Variants in EFR3A observed in about 807,000 individuals in gnomAD.
EFR3A encodes EFR3 homolog A, also known as protein EFR3 homolog A.
Under a neutral mutation model 104.4 loss-of-function variants are expected in EFR3A, and 76 were observed. The ratio of observed to expected loss-of-function variants is 0.73; its 90% CI spans 0.60 to 0.88. The LOEUF (loss-of-function observed/expected upper bound fraction) is 0.88, where lower values mean the gene tolerates loss of function less well. EFR3A is among the 40% of genes least tolerant of loss of function. The pLI is 0.00. For missense variants in EFR3A, 985 were observed against 1,012.5 expected (o/e 0.97, Z 0.37); for synonymous variants, 330 against 330.0 (o/e 1.00, Z 0.00).
intron 1 of EFR3A, among the ~76,000 whole-genome samples, chr8:131,909,664 A>G (rs1816418464): frequency 6.6e-6 from 1 of 152,240 alleles, no homozygotes; most frequent in Admixed American, 6.5e-5. Context: ...AGTTTAAATC[A>G]GGGATTTTCA....
intron 8 of EFR3A, among the ~76,000 whole-genome samples, chr8:131,960,255 G>T (rs766335141): frequency 1.1e-4 from 16 of 152,152 alleles, no homozygotes; most frequent in Non-Finnish European, 1.9e-4. Flanking sequence ...TTTCAACTGT[G>T]CAGGTCCACT....
chr8:131,999,357 G>A (rs1262549085), intron 19 of EFR3A, among the ~76,000 whole-genome samples: 1 of 152,140 alleles, frequency 6.6e-6, no homozygotes, highest in Non-Finnish European at 1.5e-5. Flanking sequence ...GGTGCTAGAT[G>A]CTATCAAATT....
intron 12 of EFR3A, among the ~76,000 whole-genome samples, chr8:131,977,817 A>G (rs1374009742): frequency 6.6e-6 from 1 of 152,046 alleles, no homozygotes; most frequent in Non-Finnish European, 1.5e-5. Flanking sequence ...TTGAATTCTA[A>G]TATAGCCAGA....
At chr8:131,910,573 T>C (rs10095944) in intron 1 of EFR3A, among the ~76,000 whole-genome samples, 25,868 of 152,202 alleles carry the variant, frequency 0.17, 2,450 homozygotes, top group East Asian at 0.33. Flanking sequence ...GTGCCCAGTC[T>C]TTCTCTGGTT....
intron 22 of EFR3A, among the ~76,000 whole-genome samples, chr8:132,009,726 T>C (rs1822236384): frequency 6.6e-6 from 1 of 152,226 alleles, no homozygotes; most frequent in South Asian, 2.1e-4. Flanking sequence ...ACTCATTGTT[T>C]AGAAAAATAC....
intron 1 of EFR3A, among the ~76,000 whole-genome samples, chr8:131,936,856 T>A (rs1817920061): frequency 6.6e-6 from 1 of 152,104 alleles, no homozygotes; most frequent in Admixed American, 6.6e-5. Context: ...TCCAGCCACC[T>A]GGAAGCCCAT....
At chr8:131,922,307 T>G (rs1419488855) in intron 1 of EFR3A, among the ~76,000 whole-genome samples, 2 of 152,136 alleles carry the variant, frequency 1.3e-5, no homozygotes, top group African/African-American at 4.8e-5. Flanking sequence ...AGGTATAGGT[T>G]GAATATTCCT....
Position 131,940,553 on chromosome 8 carries a change from A to G in EFR3A, c.65A>G (p.Asn22Ser), listed in dbSNP as rs763082485. 3.1e-6 allele frequency: 5 copies of G among 1,609,336 alleles called. No homozygotes were observed. In the Admixed American group the frequency reaches 5.0e-5, roughly 16 times the overall value. ...LRPRYKRLVD[N>S]IFPEDPKDGL... is the part of the protein sequence containing the mutation. ...CCTCGCTACAAACGCCTGGTGGACA[A>G]CATATTCCCTGAAGATCCAAAAGTA... The change falls in exon 2 of 23, where the codon AAC (asparagine) becomes AGC (serine). Residue 22 changes from asparagine (N) to serine (S), a missense_variant. Physicochemically the swap from Asn to Ser is conservative, Grantham distance 46. Transcript: ENST00000254624.
At chr8:131,996,124 A>G (rs1456450645) in intron 18 of EFR3A, among the ~76,000 whole-genome samples, 1 of 152,064 alleles carries the variant, frequency 6.6e-6, no homozygotes, top group Admixed American at 6.6e-5. Context: ...TAATTAAACT[A>G]TTTGGTAGTG....
At chr8:131,987,865 C>T (rs1243905830) in intron 18 of EFR3A, among the ~76,000 whole-genome samples, 163 bp downstream of exon 18, 1 of 152,018 alleles carries the variant, frequency 6.6e-6, no homozygotes, top group African/African-American at 2.4e-5. Flanking sequence ...TTTAATTTTG[C>T]TATTGAAAAC....
intron 9 of EFR3A, among the ~76,000 whole-genome samples, chr8:131,969,806 G>A (rs1819950484): frequency 6.6e-6 from 1 of 152,162 alleles, no homozygotes; most frequent in Admixed American, 6.5e-5. Flanking sequence ...TCTACTGTGT[G>A]TTAGGTACTC....
At chr8:131,922,864 G>A (rs1817117171) in intron 1 of EFR3A, among the ~76,000 whole-genome samples, 1 of 152,070 alleles carries the variant, frequency 6.6e-6, no homozygotes, top group African/African-American at 2.4e-5. Flanking sequence ...AGTGTCATAA[G>A]TTGTATTTAA....
rs935791213 is a variant in EFR3A at position 131,996,275 on chromosome 8, T to A, written c.2066-131T>A. 7.0e-6 allele frequency: 4 copies of A among 569,142 alleles called. No homozygotes were observed. In the African/African-American group the frequency reaches 7.8e-5, roughly 11 times the overall value. 35.3% of individuals were successfully genotyped at this position (569,142 alleles called of 1,614,324 possible). On this transcript the variant is annotated intron_variant, in intron 18 of 22. Transcript: ENST00000254624. The stretch of plus-strand genomic sequence containing the variant: ...CGAGAACACGCTGCTTTTATGTATT[T>A]AGAAGGAACAAAAAAGACAAACTGT...
chr8:131,948,924 A>G (rs1377225376), intron 4 of EFR3A, among the ~76,000 whole-genome samples: 1 of 152,106 alleles, frequency 6.6e-6, no homozygotes, highest in African/African-American at 2.4e-5. Context: ...TTTCCTCTTC[A>G]TGCTAATGCC....
At chr8:131,956,049 C>A in intron 7 of EFR3A, 144 bp downstream of exon 7, 4 of 942,958 alleles carry the variant, frequency 4.2e-6, no homozygotes, top group Non-Finnish European at 6.3e-6. Context: ...TAGTACAGGA[C>A]TGAGTCATGC....
chr8:131,989,555 C>T (rs2130772563), intron 18 of EFR3A, among the ~76,000 whole-genome samples: 1 of 152,324 alleles, frequency 6.6e-6, no homozygotes, highest in East Asian at 1.9e-4. Flanking sequence ...CTAACAGCCT[C>T]TCCAGTTAGT....
intron 1 of EFR3A, chr8:131,924,122 G>T: frequency 4.5e-6 from 2 of 444,536 alleles, no homozygotes; most frequent in Admixed American, 4.9e-5. Flanking sequence ...ATTGTTTCTT[G>T]TGAGAACTAA....
chr8:132,003,180 T>C, intron 21 of EFR3A, 56 bp from the exon 22 acceptor site: 1 of 1,331,296 alleles, frequency 7.5e-7, no homozygotes, highest in Non-Finnish European at 1.1e-6. Context: ...ATTGATATTA[T>C]TATATATAGA....
chr8:131,974,865 C>T (rs533672272), intron 10 of EFR3A, among the ~76,000 whole-genome samples: 3 of 152,184 alleles, frequency 2.0e-5, no homozygotes, highest in African/African-American at 7.2e-5. Flanking sequence ...TCATTAACTC[C>T]AGTAATAGAA....
Sources: allele counts gnomAD v4.1 joint callset (sites outside exome capture counted in the v4.1 genomes callset), GRCh38; gene constraint gnomAD v4.1.1; transcripts MANE v1.5; gene names NCBI Gene and HGNC (gene_info 2026-07-23, HGNC 2026-07-21).